Variants in SSPN observed in about 807,000 individuals in gnomAD.
SSPN encodes the protein sarcospan.
Under a neutral mutation model 19.1 loss-of-function variants are expected in SSPN, and 15 were observed. The observed-to-expected ratio is 0.78, with a 90% CI of 0.52 to 1.21. The LOEUF is 1.21. Among genes scored for constraint, SSPN ranks in the 50% most tolerant of loss-of-function variants. SSPN has a pLI of 0.00. For synonymous variants in SSPN, 147 were observed against 140.3 expected (o/e 1.05, Z -0.34); for missense variants, 291 against 314.0 (o/e 0.93, Z 0.55).
At chr12:26,144,782 T>A (rs1037551107) in intron 1 of SSPN, among the ~76,000 whole-genome samples, 31 of 152,246 alleles carry the variant, frequency 2.0e-4, no homozygotes, top group African/African-American at 7.2e-4. Context: ...TAGCATGATT[T>A]TATATTATCC....
intron 1 of SSPN, among the ~76,000 whole-genome samples, chr12:26,208,844 C>A (rs1205816552): frequency 6.6e-6 from 1 of 152,084 alleles, no homozygotes; most frequent in Non-Finnish European, 1.5e-5. Flanking sequence ...CTGTTACACC[C>A]ATTTATCATC....
At chr12:26,226,186 T>C (rs1320369201) in intron 2 of SSPN, among the ~76,000 whole-genome samples, 12 of 152,160 alleles carry the variant, frequency 7.9e-5, no homozygotes, top group African/African-American at 2.4e-4. Flanking sequence ...ATCTTCAGGT[T>C]GAAAGTGAGC....
intron 1 of SSPN, among the ~76,000 whole-genome samples, chr12:26,133,631 A>G (rs1020942782): frequency 1.3e-5 from 2 of 152,066 alleles, no homozygotes; most frequent in African/African-American, 4.8e-5. Context: ...GTTCAGGGAA[A>G]CCTGAATCCC....
chr12:26,213,296 T>C (rs1270463789), intron 1 of SSPN, among the ~76,000 whole-genome samples: 1 of 152,130 alleles, frequency 6.6e-6, no homozygotes, highest in Non-Finnish European at 1.5e-5. Flanking sequence ...AGAAGTTTTA[T>C]AACTCTTAGG....
intron 1 of SSPN, chr12:26,124,482 A>G (rs1050367438): frequency 3.1e-6 from 5 of 1,592,778 alleles, no homozygotes; most frequent in African/African-American, 2.7e-5. Flanking sequence ...TTAACTACCC[A>G]TGCAGGTTAT....
chr12:26,123,636 G>A, intron 1 of SSPN: 1 of 1,611,812 alleles, frequency 6.2e-7, no homozygotes, highest in Non-Finnish European at 8.5e-7. Context: ...TTACCATTCT[G>A]TAAAGCAATT....
chr12:26,150,612 T>C (rs1944520004), intron 1 of SSPN, among the ~76,000 whole-genome samples: 1 of 92,118 alleles, frequency 1.1e-5, no homozygotes, highest in African/African-American at 3.8e-5. Context: ...CATTTTTAAT[T>C]TGGGGAGTCA....
rs1944871844 is a variant in SSPN, at chr12:26,200,998, G to T, written c.279+5047G>T. On this transcript the variant is annotated intron_variant, in intron 1 of 2. Transcript: ENST00000242729. The stretch of plus-strand genomic sequence containing the variant: ...ATGCAATTGAATTATTCTGGCAAAA[G>T]AAGTTAATTTGTGTATATATATATA... Among the ~76,000 whole-genome samples the T allele has an allele frequency of 1.5e-4, 12 of 81,746 alleles. No homozygotes were observed. In the South Asian group the frequency reaches 4.0e-3, roughly 27 times the overall value. The allele number at this position is 81,746 out of a possible 152,430, so 53.6% of individuals were successfully genotyped here.
intron 1 of SSPN, among the ~76,000 whole-genome samples, chr12:26,141,821 A>G (rs1347410440): frequency 6.6e-6 from 1 of 152,218 alleles, no homozygotes; most frequent in African/African-American, 2.4e-5. Context: ...GCATGAAAAC[A>G]GGATGTCTTG....
At chr12:26,195,261 ACCTTG>A (rs1214003640), upstream of SSPN, 1 of 173,200 alleles carries the variant, frequency 5.8e-6, no homozygotes, top group Admixed American at 6.3e-5. Context: ...AACATTCATC[ACCTTG>A]CATTGCACTT....
chr12:26,207,523 G>A (rs1944941327), intron 1 of SSPN, among the ~76,000 whole-genome samples: 1 of 151,976 alleles, frequency 6.6e-6, no homozygotes, highest in South Asian at 2.1e-4. Context: ...TATTTTTTAT[G>A]CATAAGCCTG....
rs1945222246 is a variant in SSPN, at chr12:26,230,793, T to C, written c.449T>C (p.Leu150Pro). The C allele has an allele frequency of 2.5e-6, 4 of 1,614,120 alleles. No individual in the cohort carries two copies. The highest frequency in any genetic ancestry group is 1.7e-5 in the Admixed American group (1 of 60,010). Residue 150 changes from leucine to proline, a missense_variant, in exon 3 of 3, where the codon CTC becomes CCC. By Grantham distance (98) the Leu-to-Pro change is moderately conservative. Coordinates refer to ENST00000242729, the MANE Select transcript of SSPN (RefSeq NM_005086.5). The part of the protein sequence containing the change: ...VAFAAHHYSQ[L>P]TQFTCETTLD... ...TTTGCCGCCCACCACTATTCGCAGC[T>C]CACACAGTTTACCTGTGAGACCACA...
rs1367422434 is a variant in SSPN, at chr12:26,233,962, A to G, written c.*2886A>G. On this transcript the variant is annotated 3_prime_UTR_variant, in exon 3 of 3. Coordinates refer to ENST00000242729, the MANE Select transcript of SSPN (RefSeq NM_005086.5). This position sits in a 1 kb window ranked among gnomAD's most constrained non-coding sequence, Gnocchi z 4.3. ...TTTGTGTAGGCTGCTCCTTGGAGCT[A>G]TGCCTAAAATATAGCTACACCAGAG... 1 of 152,240 alleles carries G rather than the reference A, an allele frequency of 6.6e-6. No homozygotes were observed. The highest frequency in any genetic ancestry group is 1.9e-4 in the East Asian group (1 of 5,196). The allele number at this position is 152,240 out of a possible 1,614,324, so 9.4% of individuals were successfully genotyped here. A position where few individuals can be genotyped will look rare whatever the true frequency, so the allele number is the denominator to read the frequency against.
At chr12:26,178,201 G>A (rs1001359645) in intron 1 of SSPN, among the ~76,000 whole-genome samples, 1 of 152,220 alleles carries the variant, frequency 6.6e-6, no homozygotes, top group Non-Finnish European at 1.5e-5. Context: ...CGTAGACTCT[G>A]AAGCCAGACC....
chr12:26,171,878 C>T (rs923209645), intron 1 of SSPN, among the ~76,000 whole-genome samples: 1 of 152,124 alleles, frequency 6.6e-6, no homozygotes, highest in Non-Finnish European at 1.5e-5. Flanking sequence ...CTGGAATTGG[C>T]ATCAGAAGCC....
rs539791035 is a variant in SSPN, at chr12:26,215,553, G to T, written c.280-8740G>T. ...TCAGTGACTTTGTGTTGGTTATCTT[G>T]AAATCAGCCATGGTAGAAGTAGTCA... On this transcript the variant is annotated intron_variant, in intron 1 of 2. Transcript: ENST00000242729. Among the ~76,000 whole-genome samples, 10 of 152,322 alleles carry T rather than the reference G, an allele frequency of 6.6e-5. No individual in the cohort carries two copies. The East Asian group carries it at 1.9e-3, about 29-fold the overall frequency.
chr12:26,133,261 C>T (rs998479075), intron 1 of SSPN, among the ~76,000 whole-genome samples: 1 of 152,112 alleles, frequency 6.6e-6, no homozygotes, highest in African/African-American at 2.4e-5. Flanking sequence ...GACAGCCTGA[C>T]CTTTAAACGA....
chr12:26,122,207 G>A lies in SSPN; in HGVS notation c.-31+55G>A, dbSNP rs997685013. On this transcript the variant is annotated intron_variant, in intron 1 of 2. Transcript: ENST00000538142. ...GCGGCGCCCCAAGGGGCGCCACCTC[G>A]TGCGGCAGGAGGGTCGCGGCGGCGG... 6.5e-6 allele frequency: 9 copies of A among 1,378,718 alleles called. No homozygotes were observed. The African/African-American group carries it at 1.2e-4, about 19-fold the overall frequency. The allele number at this position is 1,378,718 out of a possible 1,614,324, so 85.4% of individuals were successfully genotyped here. A position where few individuals can be genotyped will look rare whatever the true frequency, so the allele number is the denominator to read the frequency against.
intron 1 of SSPN, among the ~76,000 whole-genome samples, chr12:26,147,328 A>G (rs1463271653): frequency 2.0e-5 from 3 of 151,020 alleles, no homozygotes; most frequent in African/African-American, 7.3e-5. Flanking sequence ...GCTGTAGTAC[A>G]ATGGCATGAT....
Sources: gnomAD v4.1 joint callset for allele counts (sites outside exome capture counted in the v4.1 genomes callset) on GRCh38, gnomAD v4.1.1 for gene constraint, Gnocchi (gnomAD v3.1) non-coding constraint, MANE v1.5 for transcripts, NCBI Gene and HGNC (gene_info 2026-07-23, HGNC 2026-07-21) for gene names.